The following OTUD7A variants were observed in gnomAD, a reference collection of about 807,000 sequenced individuals.
OTUD7A encodes the protein OTU deubiquitinase 7A.
Under a neutral mutation model 65.7 loss-of-function variants are expected in OTUD7A, and 12 were observed. The observed-to-expected ratio is 0.18, with a 90% CI of 0.12 to 0.30. OTUD7A has a LOEUF of 0.30. Among genes scored for constraint, OTUD7A ranks in the 10% least tolerant of loss-of-function variants. The probability of loss-of-function intolerance (pLI) is 1.00; values close to 1 mark genes in which losing one functional copy is unlikely to be tolerated. For synonymous variants in OTUD7A, 641 were observed against 586.3 expected (o/e 1.09, Z -1.35); for missense variants, 1,148 against 1,304.8 (o/e 0.88, Z 1.85).
intron 1 of OTUD7A, among the ~76,000 whole-genome samples, chr15:31,684,826 C>G (rs1354655218): frequency 6.7e-6 from 1 of 148,964 alleles, no homozygotes; most frequent in African/African-American, 2.5e-5. Flanking sequence ...CCAGCCCACA[C>G]CCAAGGGCAG....
intron 1 of OTUD7A, among the ~76,000 whole-genome samples, chr15:31,802,626 G>C (rs1896164658): frequency 6.6e-6 from 1 of 152,138 alleles, no homozygotes; most frequent in East Asian, 1.9e-4. Flanking sequence ...TACTTATGGA[G>C]TCAATTTGAT....
At chr15:31,770,251 A>G (rs534044616) in intron 1 of OTUD7A, among the ~76,000 whole-genome samples, 1 of 152,310 alleles carries the variant, frequency 6.6e-6, no homozygotes, top group African/African-American at 2.4e-5. Context: ...TATCAAAACT[A>G]CAGACACCAA....
At chr15:31,569,688 G>A (rs954422802) in intron 4 of OTUD7A, among the ~76,000 whole-genome samples, 10 of 152,216 alleles carry the variant, frequency 6.6e-5, no homozygotes, top group African/African-American at 2.4e-4. Context: ...TGGAGACTGT[G>A]TTACTTTGGA....
chr15:31,829,495 T>C (rs1325486756), intron 1 of OTUD7A, among the ~76,000 whole-genome samples: 1 of 152,198 alleles, frequency 6.6e-6, no homozygotes, highest in Non-Finnish European at 1.5e-5. Context: ...CTTGGCATGA[T>C]ATGAGGATAC....
Position 31,487,757 on chromosome 15 carries a change from G to A in OTUD7A, c.1172-191C>T, listed in dbSNP as rs2041259304. ...TAAAATTTCGTATTTATTGCGGACA[G>A]TGGAGAGCAGTTGGAAGCGTCACCT... On this transcript the variant is annotated intron_variant, in intron 10 of 12. Coordinates refer to ENST00000307050, the MANE Select transcript of OTUD7A (RefSeq NM_001382637.1). This position sits in a 1 kb window ranked among gnomAD's most constrained non-coding sequence, Gnocchi z 6.0. Among the ~76,000 whole-genome samples, 1 of 152,238 alleles carries A rather than the reference G, an allele frequency of 6.6e-6. No individual in the cohort carries two copies. The highest frequency in any genetic ancestry group is 2.4e-5 in the African/African-American group (1 of 41,474).
chr15:31,677,107 T>C (rs1892611414), intron 1 of OTUD7A, among the ~76,000 whole-genome samples: 1 of 152,178 alleles, frequency 6.6e-6, no homozygotes, highest in South Asian at 2.1e-4. Flanking sequence ...ACGTGAGCCA[T>C]TTCCAGGCCT....
chr15:31,605,319 CCCTGCA>C (rs1334813653), intron 3 of OTUD7A, among the ~76,000 whole-genome samples: 2 of 152,136 alleles, frequency 1.3e-5, no homozygotes. Context: ...ACATCAAGGA[CCCTGCA>C]TCAAAGGAAT....
chr15:31,713,686 A>AGTGTTTGCT (rs1893508786), intron 1 of OTUD7A, among the ~76,000 whole-genome samples: 1 of 150,622 alleles, frequency 6.6e-6, no homozygotes, highest in African/African-American at 2.4e-5. Context: ...TGCACTAGCA[A>AGTGTTTGCT]ACAACCTAGA....
At position 31,479,301 on chromosome 15, in the gene OTUD7A, C is replaced by T. The variant is rs1566874065; in HGVS notation, c.*3993G>A. On this transcript the variant is annotated 3_prime_UTR_variant, in exon 13 of 13. Transcript: ENST00000307050. The stretch of plus-strand genomic sequence containing the variant: ...GTCTGGCCCAGCAGGGCTTGCTCAG[C>T]CACAGAAACACATTTCTTCTTATCT... 1 of 152,144 alleles carries T rather than the reference C, an allele frequency of 6.6e-6. No individual in the cohort carries two copies. The highest frequency in any genetic ancestry group is 2.4e-5 in the African/African-American group (1 of 41,416). 9.4% of individuals were successfully genotyped at this position (152,144 alleles called of 1,614,324 possible).
intron 3 of OTUD7A, among the ~76,000 whole-genome samples, chr15:31,582,676 A>C (rs1428333247): frequency 6.6e-6 from 1 of 152,170 alleles, no homozygotes. Context: ...GTATGGGGAA[A>C]ACTGCCCTCA....
chr15:31,821,423 C>T (rs1364987835), intron 1 of OTUD7A, among the ~76,000 whole-genome samples: 2 of 150,966 alleles, frequency 1.3e-5, no homozygotes, highest in Non-Finnish European at 2.9e-5. Flanking sequence ...AGATTACAGG[C>T]GTGAGCCACT....
intron 1 of OTUD7A, among the ~76,000 whole-genome samples, chr15:31,705,872 CTGTTCAT>C (rs1160943388): frequency 4.7e-5 from 1 of 21,060 alleles, no homozygotes; most frequent in African/African-American, 1.6e-4. Context: ...ACAAGCACAA[CTGTTCAT>C]TTATGTAATG....
At chr15:31,590,542 A>C (rs540673603) in intron 3 of OTUD7A, among the ~76,000 whole-genome samples, 1 of 152,222 alleles carries the variant, frequency 6.6e-6, no homozygotes, top group Non-Finnish European at 1.5e-5. Flanking sequence ...CATACATAGC[A>C]GGCATTAATT....
intron 12 of OTUD7A, among the ~76,000 whole-genome samples, chr15:31,485,032 C>T (rs1308592357): frequency 6.6e-6 from 1 of 152,158 alleles, no homozygotes. Context: ...TACTTGGTAC[C>T]CTGGAACCCT....
chr15:31,531,325 C>T (rs965431057), intron 5 of OTUD7A, among the ~76,000 whole-genome samples: 1 of 151,922 alleles, frequency 6.6e-6, no homozygotes, highest in African/African-American at 2.4e-5. Flanking sequence ...ATTTCTCTTA[C>T]TAAGTACAAC....
intron 10 of OTUD7A, among the ~76,000 whole-genome samples, chr15:31,501,168 T>C (rs2041460093): frequency 6.6e-6 from 1 of 152,238 alleles, no homozygotes; most frequent in African/African-American, 2.4e-5. Flanking sequence ...ACTCTTCCCA[T>C]AAATAGCTAA....
At chr15:31,654,772 C>T (rs896997945) in intron 3 of OTUD7A, among the ~76,000 whole-genome samples, 2 of 152,112 alleles carry the variant, frequency 1.3e-5, no homozygotes, top group African/African-American at 2.4e-5. Flanking sequence ...TGAATTACTC[C>T]CAGTGGCTTT....
At position 31,655,179 on chromosome 15, in the gene OTUD7A, A is replaced by G; in HGVS notation, c.68T>C (p.Met23Thr). The G allele has an allele frequency of 1.9e-6, 3 of 1,552,048 alleles. No homozygotes were observed. The highest frequency in any genetic ancestry group is 2.6e-6 in the Non-Finnish European group (3 of 1,145,184). ...ECWAALLHDP[M>T]TLDMDAVLSD... is the part of the protein sequence containing the mutation. ...CAGGACTGCGTCCATATCAAGAGTCATAGGATCATGTAGAAGTGCTGCCCA... is the reference window on the plus strand; with the variant it reads ...CAGGACTGCGTCCATATCAAGAGTCGTAGGATCATGTAGAAGTGCTGCCCA... Residue 23 changes from methionine to threonine, a missense_variant, in exon 3 of 13, where the codon ATG (methionine) becomes ACG (threonine). By Grantham distance (81) the Met-to-Thr change is moderately conservative. Coordinates refer to ENST00000307050, the MANE Select transcript of OTUD7A (RefSeq NM_001382637.1).
intron 1 of OTUD7A, among the ~76,000 whole-genome samples, chr15:31,711,127 C>T (rs1893435578): frequency 6.7e-6 from 1 of 149,302 alleles, no homozygotes. Flanking sequence ...AAGTGTTCAA[C>T]ACCTTTGTGC....
Sources: allele counts gnomAD v4.1 joint callset (sites outside exome capture counted in the v4.1 genomes callset), GRCh38; gene constraint gnomAD v4.1.1; non-coding constraint Gnocchi (gnomAD v3.1); transcripts MANE v1.5; gene names NCBI Gene and HGNC (gene_info 2026-07-23, HGNC 2026-07-21).